CFAP92: variants seen among roughly 807,000 people sequenced by gnomAD.
CFAP92 encodes cilia and flagella associated protein 92 (putative).
A neutral mutation model predicts 106.3 loss-of-function variants in CFAP92; 86 were observed. The observed-to-expected ratio is 0.81, with a 90% CI of 0.68 to 0.97. The LOEUF is 0.97. Among genes scored for constraint, CFAP92 ranks in the 50% least tolerant of loss-of-function variants. The pLI, the probability that CFAP92 is intolerant of heterozygous loss-of-function variation, is 0.00. For synonymous variants in CFAP92, 477 were observed against 506.4 expected (o/e 0.94, Z 0.78); for missense variants, 1,204 against 1,283.8 (o/e 0.94, Z 0.95).
At chr3:128,975,339 T>C (rs181823041) in intron 7 of CFAP92, among the ~76,000 whole-genome samples, 1 of 152,018 alleles carries the variant, frequency 6.6e-6, no homozygotes, top group Admixed American at 6.6e-5. Flanking sequence ...GTCAAAAATA[T>C]TGATGGAATG....
At chr3:128,918,559 A>G (rs1441123583) in intron 12 of CFAP92, among the ~76,000 whole-genome samples, 1 of 152,238 alleles carries the variant, frequency 6.6e-6, no homozygotes, top group East Asian at 1.9e-4. Flanking sequence ...TTAGCAAGTA[A>G]TGTCCGATAG....
At chr3:128,922,036 T>C (rs1325655602) in intron 12 of CFAP92, among the ~76,000 whole-genome samples, 1 of 152,068 alleles carries the variant, frequency 6.6e-6, no homozygotes. Flanking sequence ...ACTCTGATTA[T>C]ACCGGAGAAA....
upstream of CFAP92, chr3:129,004,197 A>G: frequency 3.4e-6 from 4 of 1,191,082 alleles, no homozygotes; most frequent in Non-Finnish European, 4.4e-6. Flanking sequence ...CCATGCGTTT[A>G]TTCATGTATT....
intron 3 of CFAP92, among the ~76,000 whole-genome samples, chr3:128,988,370 G>A (rs1323191523): frequency 7.2e-5 from 11 of 152,066 alleles, no homozygotes; most frequent in African/African-American, 1.9e-4. Context: ...GTGAAATCCC[G>A]TCTCTACTAA....
intron 12 of CFAP92, among the ~76,000 whole-genome samples, chr3:128,924,196 G>A (rs1937520367): frequency 6.6e-6 from 1 of 152,088 alleles, no homozygotes; most frequent in Non-Finnish European, 1.5e-5. Context: ...AAGAGTCTTG[G>A]AACATGTCTG....
chr3:128,976,889 G>T, intron 6 of CFAP92, 90 bp downstream of exon 6: 2 of 1,007,392 alleles, frequency 2.0e-6, no homozygotes, highest in Non-Finnish European at 3.1e-6. Flanking sequence ...CAGTTTAACT[G>T]GATTTACTAA....
At chr3:128,927,318 A>AG (rs1395714794) in intron 12 of CFAP92, among the ~76,000 whole-genome samples, 1 of 94,992 alleles carries the variant, frequency 1.1e-5, no homozygotes, top group East Asian at 3.5e-4. Context: ...CCCAGGCAGA[A>AG]GGAAAGGAAG....
chr3:128,987,752 T>A lies in CFAP92; in HGVS notation c.531A>T (p.Glu177Asp), dbSNP rs752307531. Residue 177 changes from glutamate (E) to aspartate (D), a missense_variant, in exon 4 of 16, where the codon GAA becomes GAT. Physicochemically the swap from Glu to Asp is conservative, Grantham distance 45. Coordinates refer to ENST00000645291, the MANE Select transcript of CFAP92 (RefSeq NM_001394090.1). ...TGTGGAAATTTATTTTCTTTAATAA[T>A]TCCTTTGTCACAGTGATATTAAAAG... ...EQTFNITVTK[E>D]LLKKINFHKI... 1 of 1,613,996 alleles carries A rather than the reference T, an allele frequency of 6.2e-7. No homozygotes were observed. Among genetic ancestry groups the A allele is most frequent in the South Asian group, 1.1e-5 (1 of 91,084 alleles).
intron 12 of CFAP92, among the ~76,000 whole-genome samples, chr3:128,922,144 T>C (rs1683784): frequency 0.85 from 129,094 of 151,924 alleles, 55,284 homozygotes; most frequent in African/African-American, 0.96. Context: ...TCGAGACCAT[T>C]CTGGCTAACA....
At chr3:128,982,442 ATCT>A (rs1363525492) in intron 4 of CFAP92, among the ~76,000 whole-genome samples, 1 of 152,162 alleles carries the variant, frequency 6.6e-6, no homozygotes, top group Non-Finnish European at 1.5e-5. Flanking sequence ...GGCTGGTGTG[ATCT>A]TCTATCCAGA....
chr3:128,929,939 G>C (rs914203821), intron 12 of CFAP92, among the ~76,000 whole-genome samples: 1 of 152,096 alleles, frequency 6.6e-6, no homozygotes, highest in Non-Finnish European at 1.5e-5. Context: ...ATCTCAAGGT[G>C]TAAAAATGTG....
chr3:128,946,148 T>C (rs929875584), intron 9 of CFAP92, among the ~76,000 whole-genome samples, 173 bp from the exon 10 acceptor site: 1 of 152,162 alleles, frequency 6.6e-6, no homozygotes, highest in Non-Finnish European at 1.5e-5. Flanking sequence ...TTACTAGGAC[T>C]GCAGACATCA....
chr3:128,947,926 C>T (rs1200351387), intron 9 of CFAP92, among the ~76,000 whole-genome samples: 1 of 151,856 alleles, frequency 6.6e-6, no homozygotes, highest in East Asian at 1.9e-4. Context: ...ATCCTTCTGA[C>T]CAGGGGTTAG....
intron 8 of CFAP92, chr3:128,969,631 T>C (rs1291797702): frequency 1.3e-5 from 2 of 151,574 alleles, no homozygotes; most frequent in Admixed American, 6.6e-5. Context: ...GAAACAGTCA[T>C]GCCAGGCAGG....
intron 4 of CFAP92, among the ~76,000 whole-genome samples, chr3:128,979,402 T>C (rs1943371689): frequency 6.6e-6 from 1 of 152,168 alleles, no homozygotes; most frequent in Non-Finnish European, 1.5e-5. Context: ...TCCTCAGGGA[T>C]CTAGAACTAG....
chr3:129,017,702 A>G, the CFAP92 span, among the ~76,000 whole-genome samples: 2 of 152,070 alleles, frequency 1.3e-5, no homozygotes, highest in African/African-American at 2.4e-5. Flanking sequence ...CCAGAAAGCT[A>G]TCTGCATTTC....
intron 10 of CFAP92, among the ~76,000 whole-genome samples, chr3:128,942,492 G>A (rs539626902): frequency 1.3e-4 from 20 of 152,220 alleles, no homozygotes; most frequent in African/African-American, 4.1e-4. Context: ...CCCCCATCCC[G>A]AAGCACCTGG....
At chr3:128,936,828 A>C (rs1939071083) in intron 10 of CFAP92, among the ~76,000 whole-genome samples, 1 of 152,148 alleles carries the variant, frequency 6.6e-6, no homozygotes. Flanking sequence ...TTGCTTCCCA[A>C]ATAAAATTTT....
chr3:128,976,952 C>T (rs1210280429), intron 6 of CFAP92, 27 bp downstream of exon 6: 1 of 1,593,846 alleles, frequency 6.3e-7, no homozygotes, highest in African/African-American at 1.3e-5. Flanking sequence ...TCCACTCCCA[C>T]CACCCAAAAT....
Sources: allele counts gnomAD v4.1 joint callset (sites outside exome capture counted in the v4.1 genomes callset), GRCh38; gene constraint gnomAD v4.1.1; transcripts MANE v1.5; gene names NCBI Gene and HGNC (gene_info 2026-07-23, HGNC 2026-07-21).